Variants in CSMD1 observed in about 807,000 individuals in gnomAD.
CSMD1 encodes CUB and sushi domain-containing protein 1.
Under a neutral mutation model 417.5 loss-of-function variants are expected in CSMD1, and 213 were observed. That is an observed-to-expected ratio of 0.51 (90% CI 0.46 to 0.57). The LOEUF is 0.57. Ranked by LOEUF, CSMD1 falls within the 20% of genes least tolerant of loss-of-function variation. CSMD1 has a pLI of 0.00. For missense variants in CSMD1, 6,923 were observed against 4,529.7 expected (o/e 1.53, Z -15.17); for synonymous variants, 2,862 against 1,736.8 (o/e 1.65, Z -16.11).
At chr8:3,641,953 C>T (rs1220293869) in intron 7 of CSMD1, among the ~76,000 whole-genome samples, 1 of 152,130 alleles carries the variant, frequency 6.6e-6, no homozygotes, top group African/African-American at 2.4e-5. Flanking sequence ...GAGTGAATCC[C>T]TGACACAGAT....
chr8:4,295,318 T>TTA (rs201378380), intron 3 of CSMD1, among the ~76,000 whole-genome samples: 3 of 113,142 alleles, frequency 2.7e-5, no homozygotes, highest in African/African-American at 8.2e-5. Context: ...AATCTTAAGA[T>TTA]TATGCACATA....
At chr8:3,709,124 G>T (rs1331218426) in intron 6 of CSMD1, among the ~76,000 whole-genome samples, 1 of 150,142 alleles carries the variant, frequency 6.7e-6, no homozygotes, top group African/African-American at 2.4e-5. Context: ...GATGTACTAC[G>T]GCCTGCATTA....
chr8:4,428,510 A>G lies in CSMD1; in HGVS notation c.303-8445T>C, dbSNP rs73658886. Reference sequence around the variant, plus strand: ...CTGGCATATGTGTATCTCTCTCTACATGTCAGAGCAGGTATACACACAGAA... The same window carrying G: ...CTGGCATATGTGTATCTCTCTCTACGTGTCAGAGCAGGTATACACACAGAA... On this transcript the variant is annotated intron_variant, in intron 2 of 69. Transcript: ENST00000635120. Among the ~76,000 whole-genome samples the G allele has an allele frequency of 2.2e-3, 333 of 152,252 alleles. 4 individuals are homozygous for G. Among genetic ancestry groups the G allele is most frequent in the African/African-American group, 7.6e-3 (317 of 41,566 alleles).
At chr8:4,227,082 A>T (rs1319042973) in intron 3 of CSMD1, among the ~76,000 whole-genome samples, 3 of 152,158 alleles carry the variant, frequency 2.0e-5, no homozygotes, top group East Asian at 1.9e-4. Context: ...ATAATAAATG[A>T]CGCATGCCTG....
rs144119275 is a variant in CSMD1, at chr8:4,821,146, T to C, written c.85+173186A>G. Among the ~76,000 whole-genome samples, 18 of 152,236 alleles carry C rather than the reference T, an allele frequency of 1.2e-4. No homozygotes were observed. In the East Asian group the frequency reaches 3.3e-3, roughly 28 times the overall value. On this transcript the variant is annotated intron_variant, in intron 1 of 69. Transcript: ENST00000635120. ...GTATCAGGCAAGACGCCGAAACTTC[T>C]CTGAGTCACAGATCCTCTCTTCTCT...
intron 3 of CSMD1, among the ~76,000 whole-genome samples, chr8:4,369,464 G>A (rs926318827): frequency 2.6e-5 from 4 of 152,098 alleles, no homozygotes; most frequent in Admixed American, 6.6e-5. Context: ...CGTATAATTA[G>A]TCAAGTGTCA....
chr8:4,180,483 C>G (rs986876401), intron 3 of CSMD1, among the ~76,000 whole-genome samples: 1 of 150,610 alleles, frequency 6.6e-6, no homozygotes, highest in East Asian at 2.0e-4. Context: ...TGCTAAATGA[C>G]GAGTTAGTGG....
At chr8:3,380,515 T>A (rs1810565890) in intron 18 of CSMD1, among the ~76,000 whole-genome samples, 2 of 152,120 alleles carry the variant, frequency 1.3e-5, no homozygotes, top group Non-Finnish European at 2.9e-5. Context: ...ATAGGCTGGA[T>A]AAAGACAATG....
intron 1 of CSMD1, among the ~76,000 whole-genome samples, chr8:4,844,656 T>G (rs1168756760): frequency 3.3e-5 from 5 of 152,196 alleles, no homozygotes; most frequent in Admixed American, 3.3e-4. Context: ...AATATAATTT[T>G]TTAGGATCAA....
intron 5 of CSMD1, among the ~76,000 whole-genome samples, chr8:3,987,179 C>T (rs188519476): frequency 3.9e-4 from 60 of 152,308 alleles, no homozygotes; most frequent in African/African-American, 1.3e-3. Context: ...CCAGTATATA[C>T]ACTTCTTACT....
chr8:4,279,544 A>G (rs1023582537), intron 3 of CSMD1, among the ~76,000 whole-genome samples: 9 of 152,192 alleles, frequency 5.9e-5, no homozygotes, highest in South Asian at 2.1e-4. Context: ...AACTTTAGCA[A>G]TGTATCCTCT....
At chr8:4,905,307 A>C (rs569242678) in intron 1 of CSMD1, among the ~76,000 whole-genome samples, 27 of 152,236 alleles carry the variant, frequency 1.8e-4, no homozygotes, top group African/African-American at 6.5e-4. Context: ...CTAATGGATA[A>C]CTCGCTGTGT....
At chr8:4,846,288 T>C (rs541646782) in intron 1 of CSMD1, among the ~76,000 whole-genome samples, 1 of 152,346 alleles carries the variant, frequency 6.6e-6, no homozygotes, top group South Asian at 2.1e-4. Context: ...TTTAACTTGT[T>C]ATTTCCATGT....
At chr8:3,111,076 G>C (rs1187152546) in intron 42 of CSMD1, among the ~76,000 whole-genome samples, 1 of 152,088 alleles carries the variant, frequency 6.6e-6, no homozygotes, top group Admixed American at 6.6e-5. Context: ...ATAAAACTTT[G>C]AACTCTGAAA....
Position 4,828,418 on chromosome 8 carries a change from C to T in CSMD1, c.85+165914G>A, listed in dbSNP as rs76923676. On this transcript the variant is annotated intron_variant, in intron 1 of 69. Coordinates refer to ENST00000635120, the MANE Select transcript of CSMD1 (RefSeq NM_033225.6). ...GTAGTTATTTGATGACATAACCACG[C>T]AAAGCAGGGGAGTTGACAGATAATC... 6.3e-3 allele frequency among the ~76,000 whole-genome samples: 966 copies of T among 152,198 alleles called. 9 individuals carry two copies. Among genetic ancestry groups the T allele is most frequent in the African/African-American group, 0.022 (933 of 41,514 alleles).
intron 12 of CSMD1, among the ~76,000 whole-genome samples, chr8:3,425,102 A>C (rs1352546996): frequency 6.6e-6 from 1 of 152,154 alleles, no homozygotes; most frequent in Non-Finnish European, 1.5e-5. Flanking sequence ...AGCATCCCAA[A>C]GCGCCACCAT....
chr8:3,688,550 C>T (rs1800065210), intron 7 of CSMD1, among the ~76,000 whole-genome samples: 1 of 152,116 alleles, frequency 6.6e-6, no homozygotes, highest in South Asian at 2.1e-4. Flanking sequence ...AACTACAATG[C>T]ATGTGCTTAA....
At chr8:4,779,305 T>A (rs1797030578) in intron 1 of CSMD1, among the ~76,000 whole-genome samples, 1 of 152,160 alleles carries the variant, frequency 6.6e-6, no homozygotes, top group South Asian at 2.1e-4. Context: ...ATTTTCACAA[T>A]ATATTTATTT....
At chr8:3,718,543 A>C (rs1326807863) in intron 6 of CSMD1, among the ~76,000 whole-genome samples, 1 of 152,218 alleles carries the variant, frequency 6.6e-6, no homozygotes, top group African/African-American at 2.4e-5. Context: ...GGTTATCAGA[A>C]TCTTTTAATT....
Sources: allele counts gnomAD v4.1 joint callset (sites outside exome capture counted in the v4.1 genomes callset), GRCh38; gene constraint gnomAD v4.1.1; transcripts MANE v1.5; gene names NCBI Gene and HGNC (gene_info 2026-07-23, HGNC 2026-07-21).